RYR3: variants seen among roughly 807,000 people sequenced by gnomAD.
The protein encoded by RYR3 is ryanodine receptor 3, also known as brain ryanodine receptor-calcium release channel.
Under a neutral mutation model 584.3 loss-of-function variants are expected in RYR3, and 207 were observed. The observed-to-expected ratio is 0.35, with a 90% CI of 0.32 to 0.40. The LOEUF (loss-of-function observed/expected upper bound fraction) is 0.40. Ranked by LOEUF, RYR3 falls within the 10% of genes least tolerant of loss-of-function variation. RYR3 has a pLI of 1.00. For missense variants in RYR3, 5,616 were observed against 6,089.2 expected (o/e 0.92, Z 2.59); for synonymous variants, 2,416 against 2,248.5 (o/e 1.07, Z -2.11).
At chr15:33,368,875 A>G (rs1975905703) in intron 1 of RYR3, among the ~76,000 whole-genome samples, 1 of 152,166 alleles carries the variant, frequency 6.6e-6, no homozygotes, top group African/African-American at 2.4e-5. Flanking sequence ...AATCCGAAAC[A>G]TGACAGTGTC....
rs149572409 is a variant in RYR3, at chr15:33,475,121, T to A, written c.171+1583T>A. On this transcript the variant is annotated intron_variant, in intron 2 of 103. Coordinates refer to ENST00000634891, the MANE Select transcript of RYR3 (RefSeq NM_001036.6). ...AATAGGGAGGTCATTAGATTAGAAG[T>A]CAAGAAGTTAATTCTCAACCATGAG... Among the ~76,000 whole-genome samples the A allele has an allele frequency of 1.0e-3, 154 of 152,290 alleles. 1 individual carries two copies. In the East Asian group the frequency reaches 0.022, roughly 22 times the overall value.
At chr15:33,856,647 G>GTT (rs60494844) in intron 98 of RYR3, 8 of 154,124 alleles carry the variant, frequency 5.2e-5, no homozygotes, top group Middle Eastern at 3.2e-3. Flanking sequence ...GAACCTTTGG[G>GTT]TTTTTTGTTT....
At chr15:33,490,439 A>G (rs1360698374) in intron 2 of RYR3, among the ~76,000 whole-genome samples, 1 of 152,194 alleles carries the variant, frequency 6.6e-6, no homozygotes, top group Non-Finnish European at 1.5e-5. Context: ...TTCTACTTCA[A>G]AATAGAACAG....
chr15:33,675,081 C>T (rs1175927142), intron 38 of RYR3, among the ~76,000 whole-genome samples: 1 of 152,100 alleles, frequency 6.6e-6, no homozygotes, highest in African/African-American at 2.4e-5. Context: ...GGTGACAGAG[C>T]GAAAATTCTG....
intron 38 of RYR3, among the ~76,000 whole-genome samples, chr15:33,688,241 A>C (rs1321736472): frequency 1.3e-5 from 2 of 152,184 alleles, no homozygotes; most frequent in East Asian, 3.9e-4. Flanking sequence ...CCATCAAAAA[A>C]ATGGGCAAAG....
chr15:33,478,652 G>T (rs2049660192), intron 2 of RYR3, among the ~76,000 whole-genome samples: 1 of 152,096 alleles, frequency 6.6e-6, no homozygotes, highest in Non-Finnish European at 1.5e-5. Flanking sequence ...CATGCAAAAG[G>T]AGTTTTAAAA....
intron 67 of RYR3, among the ~76,000 whole-genome samples, chr15:33,795,855 G>A (rs1219987489): frequency 6.6e-6 from 1 of 152,102 alleles, no homozygotes; most frequent in Admixed American, 6.5e-5. Flanking sequence ...TTTCTAAAAG[G>A]CAATCGGCTT....
chr15:33,575,727 A>C (rs572320577), intron 12 of RYR3, among the ~76,000 whole-genome samples: 1 of 152,184 alleles, frequency 6.6e-6, no homozygotes, highest in South Asian at 2.1e-4. Context: ...GAGCAAACAA[A>C]CCCAAAAGCT....
At chr15:33,741,799 A>G (rs151211901) in intron 51 of RYR3, among the ~76,000 whole-genome samples, 1,995 of 152,146 alleles carry the variant, frequency 0.013, 32 homozygotes, top group African/African-American at 0.046. Context: ...TATTTTTAGT[A>G]GAGACGGGGT....
chr15:33,659,489 A>G lies in RYR3; in HGVS notation c.4309-231A>G, dbSNP rs141559307. Among the ~76,000 whole-genome samples the G allele has an allele frequency of 9.4e-4, 143 of 152,344 alleles. 1 individual carries two copies. The highest frequency in any genetic ancestry group is 3.4e-3 in the African/African-American group (141 of 41,578). ...TGGCTACAGGTATCTGAGAGAAAAA[A>G]TGAAAGGACCTGAGATTATTCAGCC... On this transcript the variant is annotated intron_variant, in intron 32 of 103. Transcript: ENST00000634891.
At chr15:33,757,212 G>A (rs1011957813) in intron 59 of RYR3, among the ~76,000 whole-genome samples, 6 of 152,250 alleles carry the variant, frequency 3.9e-5, no homozygotes, top group South Asian at 4.1e-4. Context: ...CAGCTGTCTC[G>A]TAGGACTCCT....
chr15:33,744,965 T>G (rs1223442429), intron 52 of RYR3, among the ~76,000 whole-genome samples: 1 of 151,988 alleles, frequency 6.6e-6, no homozygotes, highest in Non-Finnish European at 1.5e-5. Context: ...GTGTAGAAAA[T>G]GAATCCATGG....
Position 33,731,695 on chromosome 15 carries a change from G to A in RYR3, c.7424+1G>A, listed in dbSNP as rs1212893058. Reference sequence around the variant, plus strand: ...AAGAATGTTTGCTTGCCATTTGCAAGTAAGTACATATCCTATGTTGTTACT... The same window carrying A: ...AAGAATGTTTGCTTGCCATTTGCAAATAAGTACATATCCTATGTTGTTACT... On this transcript the variant is annotated splice_donor_variant, in intron 48 of 103. Coordinates refer to ENST00000634891, the MANE Select transcript of RYR3 (RefSeq NM_001036.6). LOFTEE classifies it high-confidence loss of function. 1 of 1,587,900 alleles carries A rather than the reference G, an allele frequency of 6.3e-7. No individual in the cohort carries two copies. The highest frequency in any genetic ancestry group is 1.7e-5 in the Admixed American group (1 of 59,636).
chr15:33,551,612 A>G (rs1054775607), intron 10 of RYR3, among the ~76,000 whole-genome samples: 28 of 152,128 alleles, frequency 1.8e-4, no homozygotes, highest in African/African-American at 6.8e-4. Context: ...TTTATTTCAA[A>G]TATTAAAAGA....
chr15:33,859,839 C>T (rs918300994), intron 100 of RYR3, 108 bp downstream of exon 100: 11 of 1,234,180 alleles, frequency 8.9e-6, no homozygotes, highest in Middle Eastern at 5.5e-4. Flanking sequence ...AATTCATTTA[C>T]TTGTTAATTT....
intron 67 of RYR3, among the ~76,000 whole-genome samples, chr15:33,792,845 T>A (rs2075243926): frequency 6.6e-6 from 1 of 152,208 alleles, no homozygotes; most frequent in African/African-American, 2.4e-5. Context: ...ATGTGTCAGT[T>A]GTCCAAGTCC....
At chr15:33,805,644 A>T (rs1596691670) in intron 69 of RYR3, among the ~76,000 whole-genome samples, 7 of 150,988 alleles carry the variant, frequency 4.6e-5, no homozygotes, top group African/African-American at 1.7e-4. Context: ...CGCCCGGCTA[A>T]TTTTTTGTAT....
At chr15:33,428,213 A>G (rs2044809830) in intron 1 of RYR3, among the ~76,000 whole-genome samples, 2 of 152,160 alleles carry the variant, frequency 1.3e-5, no homozygotes, top group South Asian at 2.1e-4. Context: ...TTCTTCTTCT[A>G]CCTGTCCCTG....
chr15:33,557,531 C>A (rs1298651043), intron 10 of RYR3, among the ~76,000 whole-genome samples: 1 of 152,070 alleles, frequency 6.6e-6, no homozygotes, highest in Non-Finnish European at 1.5e-5. Flanking sequence ...ATTACAGGCA[C>A]GTACCAACGC....
Sources: allele counts gnomAD v4.1 joint callset (sites outside exome capture counted in the v4.1 genomes callset), GRCh38; gene constraint gnomAD v4.1.1; transcripts MANE v1.5; gene names NCBI Gene and HGNC (gene_info 2026-07-23, HGNC 2026-07-21).